Variants in FAT3 observed in about 807,000 individuals in gnomAD.
FAT3 encodes the protein FAT atypical cadherin 3, also known as protocadherin Fat 3.
A neutral mutation model predicts 310.2 loss-of-function variants in FAT3; 95 were observed. That is an observed-to-expected ratio of 0.31 (90% CI 0.26 to 0.36). The LOEUF is 0.36. Ranked by LOEUF, FAT3 falls within the 10% of genes least tolerant of loss-of-function variation. FAT3 has a pLI of 1.00. For synonymous variants in FAT3, 2,314 were observed against 2,192.9 expected, an observed-to-expected ratio of 1.06 and a Z score of -1.54; for missense variants, 5,408 against 5,715.6, an observed-to-expected ratio of 0.95 and a Z score of 1.74.
At chr11:92,235,064 C>A (rs1425325857) in intron 1 of FAT3, among the ~76,000 whole-genome samples, 1 of 151,016 alleles carries the variant, frequency 6.6e-6, no homozygotes, top group Non-Finnish European at 1.5e-5. Flanking sequence ...GAGCAAGACT[C>A]CATCTCTCAA....
chr11:92,834,824 G>A, intron 14 of FAT3, 46 bp from the exon 15 acceptor site: 1 of 1,457,490 alleles, frequency 6.9e-7, no homozygotes, highest in Non-Finnish European at 9.4e-7. Flanking sequence ...TTGCTGACCA[G>A]TGTTTTTTCC....
At chr11:92,404,803 C>G (rs538192615) in intron 2 of FAT3, among the ~76,000 whole-genome samples, 2 of 152,012 alleles carry the variant, frequency 1.3e-5, no homozygotes, top group South Asian at 4.2e-4. Flanking sequence ...CCATTGAGAG[C>G]TCATGTAGAA....
chr11:92,719,929 T>A (rs918007522), intron 4 of FAT3, among the ~76,000 whole-genome samples: 2 of 151,984 alleles, frequency 1.3e-5, no homozygotes, highest in African/African-American at 2.4e-5. Flanking sequence ...AAGCAAGGAG[T>A]AATGCTGTCT....
At chr11:92,676,574 C>T (rs112281464) in intron 3 of FAT3, among the ~76,000 whole-genome samples, 48 of 152,244 alleles carry the variant, frequency 3.2e-4, no homozygotes, top group African/African-American at 1.0e-3. Context: ...GGCCTGAAAC[C>T]GTTCCATTTC....
intron 21 of FAT3, among the ~76,000 whole-genome samples, chr11:92,859,865 A>G (rs925422135): frequency 6.6e-6 from 1 of 152,164 alleles, no homozygotes; most frequent in African/African-American, 2.4e-5. Context: ...TGACATCTAT[A>G]TTCACCTCAA....
At position 92,883,484 on chromosome 11, in the gene FAT3, C is replaced by T; in HGVS notation, c.12937+91C>T. ...GGACGCTACGGGAAGGGAGAGAGACCCCGCATGCAGAGCATTCGCTATGAC... is the reference window on the plus strand; with the variant it reads ...GGACGCTACGGGAAGGGAGAGAGACTCCGCATGCAGAGCATTCGCTATGAC... On this transcript the variant is annotated intron_variant, in intron 24 of 27. Coordinates refer to ENST00000525166, the MANE Select transcript of FAT3 (RefSeq NM_001367949.2). The surrounding 1 kb of genome is among the most constrained non-coding windows in gnomAD (Gnocchi z 4.2). 1 of 1,453,620 alleles carries T rather than the reference C, an allele frequency of 6.9e-7. No homozygotes were observed. Among genetic ancestry groups the T allele is most frequent in the Non-Finnish European group, 9.2e-7 (1 of 1,084,660 alleles). The allele number at this position is 1,453,620 out of a possible 1,614,324, so 90.0% of individuals were successfully genotyped here.
intron 3 of FAT3, among the ~76,000 whole-genome samples, chr11:92,569,783 G>A (rs1955605665): frequency 6.6e-6 from 1 of 152,122 alleles, no homozygotes; most frequent in Admixed American, 6.6e-5. Context: ...GAGCTAAGAT[G>A]CTTGCTGCCT....
At position 92,289,875 on chromosome 11, in the gene FAT3, C is replaced by T. The variant is rs114976152; in HGVS notation, c.-17-62221C>T. Reference sequence around the variant, plus strand: ...GTTGAATATTGGTCAGATCCTATCCCTTCTCTGCTCAAAACACTAAGGGTT... The same window carrying T: ...GTTGAATATTGGTCAGATCCTATCCTTTCTCTGCTCAAAACACTAAGGGTT... On this transcript the variant is annotated intron_variant, in intron 1 of 27. Transcript: ENST00000525166. Among the ~76,000 whole-genome samples the T allele has an allele frequency of 8.8e-3, 1,336 of 152,202 alleles. 10 individuals carry two copies. The highest frequency in any genetic ancestry group is 0.03 in the African/African-American group (1,257 of 41,534).
intron 3 of FAT3, among the ~76,000 whole-genome samples, chr11:92,620,026 T>C (rs1250183812): frequency 2.6e-5 from 4 of 152,144 alleles, no homozygotes; most frequent in Non-Finnish European, 5.9e-5. Flanking sequence ...TCATAAGTTG[T>C]GGGGTACATC....
At chr11:92,890,403 G>A (rs982799133) in intron 27 of FAT3, 88 bp from the exon 28 acceptor site, 3 of 1,442,992 alleles carry the variant, frequency 2.1e-6, no homozygotes, top group African/African-American at 2.8e-5. Context: ...GCTAAAAATT[G>A]CATGTCAGGT....
chr11:92,630,658 G>T (rs1941524520), intron 3 of FAT3, among the ~76,000 whole-genome samples: 1 of 152,138 alleles, frequency 6.6e-6, no homozygotes, highest in Admixed American at 6.5e-5. Flanking sequence ...CAACATCAAA[G>T]AATTATCAAA....
At chr11:92,788,849 C>T (rs1260372720) in intron 7 of FAT3, among the ~76,000 whole-genome samples, 2 of 152,058 alleles carry the variant, frequency 1.3e-5, no homozygotes, top group Non-Finnish European at 2.9e-5. Flanking sequence ...TCTTCAATAA[C>T]AACAATAACA....
rs1591619479 is a variant in FAT3, at chr11:92,697,058, T to C, written c.3608-326T>C. ...ACTCTAAAATCTTTAATGAGGTTTCTACTGTAGAATTTCAGTCATATGCAA... is the reference window on the plus strand; with the variant it reads ...ACTCTAAAATCTTTAATGAGGTTTCCACTGTAGAATTTCAGTCATATGCAA... On this transcript the variant is annotated intron_variant, in intron 3 of 27. Coordinates refer to ENST00000525166, the MANE Select transcript of FAT3 (RefSeq NM_001367949.2). Among the ~76,000 whole-genome samples the C allele has an allele frequency of 2.6e-5, 4 of 152,338 alleles. No homozygotes were observed. In the South Asian group the frequency reaches 8.3e-4, roughly 32 times the overall value.
intron 2 of FAT3, among the ~76,000 whole-genome samples, chr11:92,494,040 T>A (rs1263785097): frequency 6.6e-6 from 1 of 151,982 alleles, no homozygotes. Context: ...TATTTTTTTT[T>A]TTTTTTTGGT....
In FAT3 at chr11:92,349,206, T is replaced by C. The variant is rs546311697; in HGVS notation, c.-17-2890T>C. Among the ~76,000 whole-genome samples the C allele has an allele frequency of 3.9e-5, 6 of 152,292 alleles. No homozygotes were observed. The East Asian group carries it at 9.7e-4, about 25-fold the overall frequency. On this transcript the variant is annotated intron_variant, in intron 1 of 27. Coordinates refer to ENST00000525166, the MANE Select transcript of FAT3 (RefSeq NM_001367949.2). Reference sequence around the variant, plus strand: ...AAGGCAGAAACTTTATTTGTATTTCTCTGGAGCATTCTGGGAGTGATCCCA... The same window carrying C: ...AAGGCAGAAACTTTATTTGTATTTCCCTGGAGCATTCTGGGAGTGATCCCA...
In FAT3 at chr11:92,867,173, C is replaced by T; in HGVS notation, c.12091C>T (p.Gln4031Ter). 6.3e-7 allele frequency: 1 copy of T among 1,591,808 alleles called. No homozygotes were observed. The highest frequency in any genetic ancestry group is 1.3e-5 in the African/African-American group (1 of 74,806). Residue 4031 changes from glutamine (Q) to a stop codon, truncating the protein, a stop_gained, in exon 22 of 28, where the codon CAG (glutamine) becomes TAG (stop). Transcript: ENST00000525166. LOFTEE classifies it high-confidence loss of function. ...YPDACKRSPC[Q>*]HGGSCTGLPS... ...CGACGCCTGCAAGCGCAGCCCGTGC[C>T]AGCACGGGGGCAGCTGCACTGGCCT...
Position 92,798,758 on chromosome 11 carries a change from C to G in FAT3, c.5745C>G (p.Pro1915=). Residue 1915 remains proline (P), a synonymous_variant, in exon 10 of 28, where the codon CCC becomes CCG. Coordinates refer to ENST00000525166, the MANE Select transcript of FAT3 (RefSeq NM_001367949.2). ...CCACAGATCCTGACTCTGAGGTACC[C>G]CCTGAACTGACATACAGCCTAATGG... The part of the protein sequence containing the change: ...VSATDPDSEV[P]PELTYSLMEG... The G allele has an allele frequency of 6.2e-7, 1 of 1,613,766 alleles. No homozygotes were observed. The highest frequency in any genetic ancestry group is 1.7e-5 in the Admixed American group (1 of 60,004).
At chr11:92,556,982 T>G (rs1955043594) in intron 3 of FAT3, among the ~76,000 whole-genome samples, 1 of 152,148 alleles carries the variant, frequency 6.6e-6, no homozygotes, top group Admixed American at 6.5e-5. Flanking sequence ...GAATATTTGT[T>G]GAATTCATAT....
chr11:92,412,736 T>TATATATACACACAC (rs1591252633), intron 2 of FAT3, among the ~76,000 whole-genome samples: 4 of 14,962 alleles, frequency 2.7e-4, no homozygotes, highest in African/African-American at 2.8e-4. Flanking sequence ...TATATATATA[T>TATATATACACACAC]ATATATATAA....
Sources: gnomAD v4.1 joint callset for allele counts (sites outside exome capture counted in the v4.1 genomes callset) on GRCh38, gnomAD v4.1.1 for gene constraint, Gnocchi (gnomAD v3.1) non-coding constraint, MANE v1.5 for transcripts, NCBI Gene and HGNC (gene_info 2026-07-23, HGNC 2026-07-21) for gene names.